UNC13C: variants seen among roughly 807,000 people sequenced by gnomAD.
The protein encoded by UNC13C is unc-13 homolog C, also known as protein unc-13 homolog C.
A neutral mutation model predicts 245.4 loss-of-function variants in UNC13C; 174 were observed. The ratio of observed to expected loss-of-function variants is 0.71; its 90% CI spans 0.63 to 0.80. The LOEUF (loss-of-function observed/expected upper bound fraction) is 0.80. Among genes scored for constraint, UNC13C ranks in the 30% least tolerant of loss-of-function variants. UNC13C has a pLI of 0.00. For synonymous variants in UNC13C, 992 were observed against 895.1 expected, an observed-to-expected ratio of 1.11 and a Z score of -1.93; for missense variants, 2,829 against 2,602.9, an observed-to-expected ratio of 1.09 and a Z score of -1.89.
chr15:54,004,022 CAAACA>C (rs1895024660), intron 1 of UNC13C, among the ~76,000 whole-genome samples: 1 of 152,074 alleles, frequency 6.6e-6, no homozygotes, highest in Non-Finnish European at 1.5e-5. Context: ...AACAAACAAA[CAAACA>C]AAACAAACAA....
At chr15:53,838,386 ATGTTTT>A in the UNC13C span, among the ~76,000 whole-genome samples, 2 of 152,040 alleles carry the variant, frequency 1.3e-5, no homozygotes, top group Non-Finnish European at 2.9e-5. Flanking sequence ...GATTTTTAAA[ATGTTTT>A]TTCCATCAAT....
Position 54,333,779 on chromosome 15 carries a change from G to T in UNC13C, c.4507G>T (p.Ala1503Ser), listed in dbSNP as rs1032775909. The T allele has an allele frequency of 1.2e-6, 2 of 1,602,510 alleles. No individual in the cohort carries two copies. The change falls in exon 16 of 33, where the codon GCA (alanine) becomes TCA (serine). Residue 1503 changes from alanine (A) to serine (S), a missense_variant. Transcript: ENST00000260323. ...CCTAATTAACCAGGAAAACTTTCCTGCAAGCAATACTGAAAGACTGCAAGA... is the reference window on the plus strand; with the variant it reads ...CCTAATTAACCAGGAAAACTTTCCTTCAAGCAATACTGAAAGACTGCAAGA... Reference protein sequence around the residue: ...DLSKYRENFPASNTERLQDLK... With the variant: ...DLSKYRENFPSSNTERLQDLK...
the UNC13C span, among the ~76,000 whole-genome samples, chr15:53,956,608 G>T: frequency 2.0e-5 from 3 of 150,510 alleles, no homozygotes; most frequent in Admixed American, 1.3e-4. Flanking sequence ...AAGTGAAAAA[G>T]GGAGAAGCTT....
At chr15:54,518,690 A>G (rs906834794) in intron 24 of UNC13C, among the ~76,000 whole-genome samples, 2 of 152,128 alleles carry the variant, frequency 1.3e-5, no homozygotes, top group African/African-American at 4.8e-5. Context: ...CACAGAGAAC[A>G]CTCTGTCCCC....
intron 19 of UNC13C, among the ~76,000 whole-genome samples, chr15:54,461,280 A>G (rs987729340): frequency 2.0e-5 from 3 of 152,206 alleles, no homozygotes; most frequent in Non-Finnish European, 4.4e-5. Flanking sequence ...CTCAAGGGAA[A>G]TGCTCACTGG....
At chr15:54,387,465 G>A (rs959641214) in intron 17 of UNC13C, among the ~76,000 whole-genome samples, 1 of 152,062 alleles carries the variant, frequency 6.6e-6, no homozygotes, top group Non-Finnish European at 1.5e-5. Flanking sequence ...ATAATTAGCA[G>A]TGAGGGCAAC....
intron 4 of UNC13C, among the ~76,000 whole-genome samples, chr15:54,216,197 TTA>T (rs1426934004): frequency 5.9e-5 from 9 of 151,940 alleles, no homozygotes; most frequent in African/African-American, 2.2e-4. Flanking sequence ...GGAGCCCCGA[TTA>T]TGTCTAGCTT....
chr15:53,983,940 G>T (rs1468381581), intron 1 of UNC13C, among the ~76,000 whole-genome samples: 1 of 151,592 alleles, frequency 6.6e-6, no homozygotes, highest in Admixed American at 6.6e-5. Context: ...TTAACACTTG[G>T]TCTCCAGCCA....
chr15:54,114,245 T>C (rs146165763), intron 2 of UNC13C, among the ~76,000 whole-genome samples: 31 of 152,336 alleles, frequency 2.0e-4, no homozygotes, highest in African/African-American at 6.5e-4. Context: ...TTTCTTTTCA[T>C]TGACACTTTT....
chr15:54,012,989 C>G lies in UNC13C; in HGVS notation c.86C>G (p.Thr29Arg). 1 of 1,613,760 alleles carries G rather than the reference C, an allele frequency of 6.2e-7. No individual in the cohort carries two copies. The highest frequency in any genetic ancestry group is 8.5e-7 in the Non-Finnish European group (1 of 1,179,794). ...KGMFTKKLGN[T>R]NKNKEYRQQK... ...ATGTTTACAAAGAAATTGGGAAATACAAACAAAAACAAAGAGTATCGTCAG... is the reference window on the plus strand; with the variant it reads ...ATGTTTACAAAGAAATTGGGAAATAGAAACAAAAACAAAGAGTATCGTCAG... The change falls in exon 2 of 33, where the codon ACA becomes AGA. Residue 29 changes from threonine (T) to arginine (R), a missense_variant. Physicochemically the swap from Thr to Arg is moderately conservative, Grantham distance 71. Transcript: ENST00000260323.
chr15:54,168,632 T>C (rs1199261817), intron 4 of UNC13C, among the ~76,000 whole-genome samples: 5 of 152,212 alleles, frequency 3.3e-5, no homozygotes, highest in Non-Finnish European at 7.3e-5. Flanking sequence ...TCTTGCTTCC[T>C]GTTCTTGATT....
intron 2 of UNC13C, among the ~76,000 whole-genome samples, chr15:54,030,408 G>C (rs1034203599): frequency 6.6e-6 from 1 of 152,200 alleles, no homozygotes; most frequent in Admixed American, 6.5e-5. Context: ...AAAGGTAACT[G>C]TGAAAAAGGT....
At chr15:53,997,330 T>G (rs185527737) in intron 1 of UNC13C, among the ~76,000 whole-genome samples, 2 of 152,306 alleles carry the variant, frequency 1.3e-5, no homozygotes, top group East Asian at 3.9e-4. Context: ...ATCAGATGTG[T>G]GCATTGCAAA....
chr15:53,968,956 C>G, the UNC13C span, among the ~76,000 whole-genome samples: 3 of 152,120 alleles, frequency 2.0e-5, no homozygotes, highest in African/African-American at 7.2e-5. Flanking sequence ...CCCCACAATC[C>G]CTATCTTTTT....
chr15:54,417,215 C>T, intron 19 of UNC13C: 1 of 323,412 alleles, frequency 3.1e-6, no homozygotes, highest in East Asian at 8.9e-5. Flanking sequence ...TACTCAATAA[C>T]TACTTGTTGA....
chr15:54,261,582 G>C (rs770945315), intron 8 of UNC13C, among the ~76,000 whole-genome samples: 2 of 151,992 alleles, frequency 1.3e-5, no homozygotes, highest in Non-Finnish European at 2.9e-5. Flanking sequence ...TCGCTCTGTC[G>C]CCCAGGCTGC....
At chr15:54,385,315 C>T (rs1458646237) in intron 17 of UNC13C, among the ~76,000 whole-genome samples, 1 of 152,020 alleles carries the variant, frequency 6.6e-6, no homozygotes, top group Non-Finnish European at 1.5e-5. Context: ...AAGGGAACAA[C>T]AGATAAAGAA....
intron 29 of UNC13C, among the ~76,000 whole-genome samples, chr15:54,557,822 G>A (rs114593971): frequency 6.8e-4 from 103 of 152,058 alleles, no homozygotes; most frequent in African/African-American, 2.2e-3. Context: ...TCTTATGTAC[G>A]TGCATCATTT....
chr15:54,177,706 C>T (rs968027751), intron 4 of UNC13C, among the ~76,000 whole-genome samples: 2 of 152,026 alleles, frequency 1.3e-5, no homozygotes. Flanking sequence ...TGTTAAACTT[C>T]CAATCAGTGT....
Sources: allele counts gnomAD v4.1 joint callset (sites outside exome capture counted in the v4.1 genomes callset), GRCh38; gene constraint gnomAD v4.1.1; transcripts MANE v1.5; gene names NCBI Gene and HGNC (gene_info 2026-07-23, HGNC 2026-07-21).